Variants in VCAN observed in about 807,000 individuals in gnomAD.
The protein encoded by VCAN is versican, also known as versican core protein.
VCAN carries 44 observed loss-of-function variants against 245.5 expected under a neutral mutation model. The observed-to-expected ratio is 0.18, with a 90% CI of 0.14 to 0.23. The LOEUF (loss-of-function observed/expected upper bound fraction) is 0.23, where lower values mean the gene tolerates loss of function less well. Among genes scored for constraint, VCAN ranks in the 10% least tolerant of loss-of-function variants. The pLI is 1.00. For synonymous variants in VCAN, 1,413 were observed against 1,437.0 expected (o/e 0.98, Z 0.38); for missense variants, 3,793 against 4,057.9 (o/e 0.93, Z 1.77).
Position 83,522,195 on chromosome 5 carries a change from G to A in VCAN, c.3889G>A (p.Glu1297Lys), listed in dbSNP as rs780461069. ...ACAGCCAACAAGACCACCCACTGTG[G>A]AAGACAAAGAGGCCTTTGGACCTCA... is the stretch of plus-strand genomic sequence containing the variant. ...ATQPTRPPTV[E>K]DKEAFGPQAL... is the part of the protein sequence containing the mutation. The change falls in exon 7 of 15, where the codon GAA (glutamate) becomes AAA (lysine). Residue 1297 changes from glutamate (E) to lysine (K), a missense_variant. By Grantham distance (56) the Glu-to-Lys change is moderately conservative. Coordinates refer to ENST00000265077, the MANE Select transcript of VCAN (RefSeq NM_004385.5). 3 of 1,606,434 alleles carry A rather than the reference G, an allele frequency of 1.9e-6. No homozygotes were observed. In the Admixed American group the frequency reaches 5.0e-5, roughly 27 times the overall value.
In VCAN at chr5:83,521,374, C is replaced by A; in HGVS notation, c.3068C>A (p.Thr1023Lys). 6.2e-7 allele frequency: 1 copy of A among 1,614,062 alleles called. No individual in the cohort carries two copies. Among genetic ancestry groups the A allele is most frequent in the Non-Finnish European group, 8.5e-7 (1 of 1,180,002 alleles). Residue 1023 changes from threonine (T) to lysine (K), a missense_variant, in exon 7 of 15, where the codon ACA becomes AAA. Physicochemically the swap from Thr to Lys is moderately conservative, Grantham distance 78. This residue lies in a region of VCAN where 3,182 missense variants were observed against 3,250.3 expected (regional missense o/e 0.98). Transcript: ENST00000265077. Reference protein sequence around the residue: ...EATISPETMRTTKITEGTTQE... With the variant: ...EATISPETMRKTKITEGTTQE... ...ACTATTTCTCCAGAAACTATGAGAA[C>A]AACAAAAATCACAGAGGGAACAACT...
intron 12 of VCAN, among the ~76,000 whole-genome samples, chr5:83,559,735 T>A (rs569791629): frequency 6.6e-6 from 1 of 152,132 alleles, no homozygotes; most frequent in Non-Finnish European, 1.5e-5. Flanking sequence ...TCTTCTGAGA[T>A]AGGAATTAAC....
At position 83,541,996 on chromosome 5, in the gene VCAN, C is replaced by T. The variant is rs376468449; in HGVS notation, c.8993C>T (p.Thr2998Ile). The T allele has an allele frequency of 6.2e-7, 1 of 1,612,388 alleles. No individual in the cohort carries two copies. The highest frequency in any genetic ancestry group is 1.3e-5 in the African/African-American group (1 of 74,962). ...GTGGTGCCTTGGCTAAGTCCACAGA[C>T]TTCTGAGAGGCCCACGCTTTCTTCT... ...AGVVPWLSPQ[T>I]SERPTLSSSP... Residue 2998 changes from threonine (T) to isoleucine (I), a missense_variant, in exon 8 of 15, where the codon ACT becomes ATT. Transcript: ENST00000265077.
intron 10 of VCAN, among the ~76,000 whole-genome samples, chr5:83,548,290 G>A (rs577638159): frequency 6.8e-4 from 103 of 152,280 alleles, no homozygotes; most frequent in African/African-American, 2.3e-3. Flanking sequence ...GGCAAACTGA[G>A]CTGAATTTAA....
rs1469518219 is a variant in VCAN, at chr5:83,538,223, A to G, written c.5220A>G (p.Val1740=). 4 of 1,613,772 alleles carry G rather than the reference A, an allele frequency of 2.5e-6. No homozygotes were observed. The highest frequency in any genetic ancestry group is 3.4e-6 in the Non-Finnish European group (4 of 1,179,972). The part of the protein sequence containing the change: ...GTTGTASTFE[V]YSSTQRSDQL... Reference sequence around the variant, plus strand: ...CAGGTACGGCTTCTACATTTGAGGTATATTCATCTACACAGAGATCGGATC... The same window carrying G: ...CAGGTACGGCTTCTACATTTGAGGTGTATTCATCTACACAGAGATCGGATC... The change falls in exon 8 of 15, where the codon GTA becomes GTG. Residue 1740 remains valine (V), a synonymous_variant. Transcript: ENST00000265077.
rs544643702 is a variant in VCAN, at chr5:83,480,165, T to C, written c.-6-3348T>C. Among the ~76,000 whole-genome samples, 42 of 152,326 alleles carry C rather than the reference T, an allele frequency of 2.8e-4. 1 individual carries two copies. In the East Asian group the frequency reaches 5.4e-3, roughly 20 times the overall value. ...TATTTATGCAACTTATTCAAATGTATTTAGAGCATGTCTGATCTCCTCCTT... is the reference window on the plus strand; with the variant it reads ...TATTTATGCAACTTATTCAAATGTACTTAGAGCATGTCTGATCTCCTCCTT... On this transcript the variant is annotated intron_variant, in intron 1 of 14. Coordinates refer to ENST00000265077, the MANE Select transcript of VCAN (RefSeq NM_004385.5).
chr5:83,550,477 G>T (rs1406253159), intron 10 of VCAN, among the ~76,000 whole-genome samples: 1 of 152,148 alleles, frequency 6.6e-6, no homozygotes, highest in African/African-American at 2.4e-5. Flanking sequence ...TTTTAGGTAA[G>T]GTTGAAAAAA....
intron 7 of VCAN, among the ~76,000 whole-genome samples, chr5:83,524,102 G>C (rs1399794362): frequency 6.6e-6 from 1 of 152,090 alleles, no homozygotes; most frequent in Non-Finnish European, 1.5e-5. Context: ...GTGGGAAACT[G>C]CCAGTTAGGA....
Position 83,519,657 on chromosome 5 carries a change from G to C in VCAN, c.1351G>C (p.Asp451His). The C allele has an allele frequency of 6.2e-7, 1 of 1,614,142 alleles. No homozygotes were observed. The highest frequency in any genetic ancestry group is 1.1e-5 in the South Asian group (1 of 91,084). Residue 451 changes from aspartate to histidine, a missense_variant, in exon 7 of 15, where the codon GAC becomes CAC. By Grantham distance (81) the Asp-to-His change is moderately conservative (BLOSUM62 -1). Coordinates refer to ENST00000265077, the MANE Select transcript of VCAN (RefSeq NM_004385.5). The stretch of plus-strand genomic sequence containing the variant: ...TGCTTCAGGACCTCTTGGAAAGCTA[G>C]ACATATCAGAAATTAAGGAAGAAGT... ...PSASGPLGKL[D>H]ISEIKEEVLQ...
intron 7 of VCAN, among the ~76,000 whole-genome samples, chr5:83,532,447 G>A (rs1310405911): frequency 6.6e-6 from 1 of 152,000 alleles, no homozygotes; most frequent in Non-Finnish European, 1.5e-5. Flanking sequence ...TTAAAAGTAT[G>A]GGAAGAAATT....
intron 12 of VCAN, among the ~76,000 whole-genome samples, chr5:83,558,440 T>C (rs1405043707): frequency 2.6e-5 from 4 of 152,122 alleles, no homozygotes; most frequent in Non-Finnish European, 5.9e-5. Flanking sequence ...TTTTTTTCTT[T>C]GAAAGATTTA....
intron 12 of VCAN, among the ~76,000 whole-genome samples, chr5:83,566,834 C>T (rs1748095824): frequency 6.6e-6 from 1 of 152,154 alleles, no homozygotes; most frequent in South Asian, 2.1e-4. Flanking sequence ...TTGACAAGTA[C>T]AGATTATTTG....
rs868827951 is a variant in VCAN, at chr5:83,580,548, G to A, written c.*114G>A. 8.6e-6 allele frequency: 13 copies of A among 1,513,438 alleles called. No homozygotes were observed. The highest frequency in any genetic ancestry group is 2.2e-4 in the Middle Eastern group (1 of 4,504). The allele number at this position is 1,513,438 out of a possible 1,614,324, so 93.8% of individuals were successfully genotyped here. On this transcript the variant is annotated 3_prime_UTR_variant, in exon 15 of 15. Transcript: ENST00000265077. ...AGTTGGTTTGGATTTTTGGACCACC[G>A]TTCAGTCATTTTGGGTTGCCGTGCT... is the stretch of plus-strand genomic sequence containing the variant.
At chr5:83,485,226 C>T (rs774455256) in intron 2 of VCAN, among the ~76,000 whole-genome samples, 2 of 152,146 alleles carry the variant, frequency 1.3e-5, no homozygotes, top group Non-Finnish European at 2.9e-5. Flanking sequence ...AGTGTGTGCT[C>T]TTTACCACCA....
At chr5:83,490,586 A>G in intron 3 of VCAN, 114 bp downstream of exon 3, 1 of 1,460,582 alleles carries the variant, frequency 6.8e-7, no homozygotes, top group Non-Finnish European at 9.3e-7. Context: ...GCGGAAAAAC[A>G]CCTGTCAATC....
At chr5:83,523,540 G>A (rs540779453) in intron 7 of VCAN, among the ~76,000 whole-genome samples, 50 of 151,942 alleles carry the variant, frequency 3.3e-4, no homozygotes, top group Non-Finnish European at 6.0e-4. Context: ...AACAAGTAGC[G>A]TTATTGTCAA....
intron 7 of VCAN, among the ~76,000 whole-genome samples, chr5:83,523,773 A>G (rs1438989834): frequency 6.6e-6 from 1 of 152,188 alleles, no homozygotes; most frequent in East Asian, 1.9e-4. Flanking sequence ...AAATCATAAC[A>G]TATTTCCTCT....
Position 83,538,848 on chromosome 5 carries a change from G to A in VCAN, c.5845G>A (p.Ala1949Thr), listed in dbSNP as rs749779730. The stretch of plus-strand genomic sequence containing the variant: ...ATACTCAACAGTGTCTCATCCCATA[G>A]CAAAAGAAGAAACGGTAATGATGGA... ...REYSTVSHPI[A>T]KEETVMMEGS... is the part of the protein sequence containing the mutation. The change falls in exon 8 of 15, where the codon GCA becomes ACA. Residue 1949 changes from alanine (A) to threonine (T), a missense_variant. Ala to Thr is a moderately conservative substitution (Grantham distance 58). Transcript: ENST00000265077. 2 of 1,614,004 alleles carry A rather than the reference G, an allele frequency of 1.2e-6. No individual in the cohort carries two copies. The highest frequency in any genetic ancestry group is 1.7e-6 in the Non-Finnish European group (2 of 1,179,958).
At position 83,519,847 on chromosome 5, in the gene VCAN, C is replaced by T; in HGVS notation, c.1541C>T (p.Pro514Leu). Residue 514 changes from proline (P) to leucine (L), a missense_variant, in exon 7 of 15, where the codon CCT (proline) becomes CTT (leucine). Coordinates refer to ENST00000265077, the MANE Select transcript of VCAN (RefSeq NM_004385.5). ...AAGCACATTCCTTCCAAGGAATTCC[C>T]TGTAACTGAAACACCATTGGTAACT... ...ILKHIPSKEF[P>L]VTETPLVTAR... 1.2e-6 allele frequency: 2 copies of T among 1,614,138 alleles called. No individual in the cohort carries two copies. Among genetic ancestry groups the T allele is most frequent in the Non-Finnish European group, 1.7e-6 (2 of 1,179,996 alleles).
Sources: gnomAD v4.1 joint callset for allele counts (sites outside exome capture counted in the v4.1 genomes callset) on GRCh38, gnomAD v4.1.1 for gene constraint, gnomAD v4.1.1 regional missense constraint, MANE v1.5 for transcripts, NCBI Gene and HGNC (gene_info 2026-07-23, HGNC 2026-07-21) for gene names.